Variants in PDE4D observed in about 807,000 individuals in gnomAD.
PDE4D encodes 3',5'-cyclic-AMP phosphodiesterase 4D.
PDE4D carries 24 observed loss-of-function variants against 87.4 expected under a neutral mutation model. That is an observed-to-expected ratio of 0.27 (90% CI 0.20 to 0.39). PDE4D has a LOEUF of 0.39. PDE4D is among the 10% of genes least tolerant of loss of function. The pLI is 1.00. For missense variants in PDE4D, 714 were observed against 1,041.0 expected, an observed-to-expected ratio of 0.69 and a Z score of 4.32; for synonymous variants, 384 against 383.2, an observed-to-expected ratio of 1.00 and a Z score of -0.02.
intron 1 of PDE4D, among the ~76,000 whole-genome samples, chr5:60,346,801 T>C (rs1758784205): frequency 6.6e-6 from 1 of 152,174 alleles, no homozygotes; most frequent in Admixed American, 6.6e-5. Flanking sequence ...AAAGCATTGT[T>C]TTTCAATGCT....
At chr5:59,301,543 A>G (rs1770252362) in intron 1 of PDE4D, among the ~76,000 whole-genome samples, 1 of 152,132 alleles carries the variant, frequency 6.6e-6, no homozygotes, top group Non-Finnish European at 1.5e-5. Context: ...CTGTAAATCT[A>G]AATCTGTTTG....
intron 8 of PDE4D, among the ~76,000 whole-genome samples, chr5:58,991,173 T>C (rs868423118): frequency 2.0e-5 from 3 of 152,038 alleles, no homozygotes; most frequent in Non-Finnish European, 4.4e-5. Context: ...TCCCAGCTAC[T>C]TGGGAGGCTG....
intron 2 of PDE4D, among the ~76,000 whole-genome samples, chr5:60,075,667 T>C (rs1036884408): frequency 6.6e-6 from 1 of 152,212 alleles, no homozygotes; most frequent in African/African-American, 2.4e-5. Flanking sequence ...TTTGGTCTCT[T>C]TACATAATAT....
chr5:60,335,546 A>T (rs1757682390), intron 1 of PDE4D, among the ~76,000 whole-genome samples: 1 of 152,160 alleles, frequency 6.6e-6, no homozygotes, highest in Admixed American at 6.6e-5. Flanking sequence ...TCACAATTGT[A>T]AGCCCTTTTT....
chr5:59,212,698 G>C (rs188542944), intron 2 of PDE4D, among the ~76,000 whole-genome samples: 4 of 152,032 alleles, frequency 2.6e-5, no homozygotes, highest in Admixed American at 2.0e-4. Flanking sequence ...AATTTAAAAA[G>C]GTAGAACACA....
chr5:60,051,797 G>T (rs192825241), intron 2 of PDE4D, among the ~76,000 whole-genome samples: 7 of 151,426 alleles, frequency 4.6e-5, no homozygotes, highest in Non-Finnish European at 7.4e-5. Context: ...CCACTAGCCA[G>T]ACTAATAAAG....
At chr5:60,210,561 TA>T (rs1743077429) in intron 1 of PDE4D, among the ~76,000 whole-genome samples, 1 of 151,992 alleles carries the variant, frequency 6.6e-6, no homozygotes. Flanking sequence ...CAAAAGATAG[TA>T]AAGGCTTTCC....
At chr5:59,114,787 C>G (rs1251103807) in intron 5 of PDE4D, among the ~76,000 whole-genome samples, 1 of 151,194 alleles carries the variant, frequency 6.6e-6, no homozygotes, top group Non-Finnish European at 1.5e-5. Context: ...AAAATATCTA[C>G]TTGGTTTGGC....
At chr5:59,014,703 G>T (rs1753609104) in intron 6 of PDE4D, among the ~76,000 whole-genome samples, 1 of 152,102 alleles carries the variant, frequency 6.6e-6, no homozygotes, top group Admixed American at 6.5e-5. Context: ...ACTGCCCAAG[G>T]TAATTTATAG....
intron 1 of PDE4D, among the ~76,000 whole-genome samples, chr5:59,861,035 T>TA (rs1001533396): frequency 2.7e-5 from 4 of 150,858 alleles, no homozygotes; most frequent in African/African-American, 7.3e-5. Flanking sequence ...AATTTTTTTT[T>TA]TTTTTTTGTA....
intron 1 of PDE4D, among the ~76,000 whole-genome samples, chr5:59,546,598 A>G (rs1817304895): frequency 6.6e-6 from 1 of 152,156 alleles, no homozygotes; most frequent in South Asian, 2.1e-4. Context: ...TAACTGGGCA[A>G]TGAAAGAAAA....
At chr5:59,006,430 G>A (rs1458757010) in intron 6 of PDE4D, among the ~76,000 whole-genome samples, 1 of 151,986 alleles carries the variant, frequency 6.6e-6, no homozygotes, top group Non-Finnish European at 1.5e-5. Context: ...GCCAGGTGTG[G>A]TGGCATGTGC....
chr5:59,054,588 A>G (rs1245858934), intron 5 of PDE4D, among the ~76,000 whole-genome samples: 1 of 151,928 alleles, frequency 6.6e-6, no homozygotes, highest in African/African-American at 2.4e-5. Context: ...AAATTAAACC[A>G]ATAAAAAGAA....
chr5:60,314,737 T>G (rs1755390440), intron 1 of PDE4D, among the ~76,000 whole-genome samples: 1 of 151,344 alleles, frequency 6.6e-6, no homozygotes, highest in Non-Finnish European at 1.5e-5. Context: ...ACATGCGGTG[T>G]TTGGGTTTTT....
At chr5:59,401,558 C>A (rs1056160585) in intron 1 of PDE4D, among the ~76,000 whole-genome samples, 1 of 151,842 alleles carries the variant, frequency 6.6e-6, no homozygotes, top group Admixed American at 6.6e-5. Flanking sequence ...GGGTGGCGTG[C>A]AATTGAGAGA....
At chr5:59,251,275 T>C (rs1357121363) in intron 1 of PDE4D, among the ~76,000 whole-genome samples, 10 of 152,118 alleles carry the variant, frequency 6.6e-5, no homozygotes, top group African/African-American at 2.4e-5. Flanking sequence ...TTGCAAACTA[T>C]ATATCTGGCA....
intron 1 of PDE4D, among the ~76,000 whole-genome samples, chr5:59,418,964 A>T (rs756435911): frequency 6.6e-6 from 1 of 152,066 alleles, no homozygotes; most frequent in Non-Finnish European, 1.5e-5. Context: ...ACATTTAACT[A>T]ACTTTATGGT....
At chr5:60,430,540 TTTTTGTTTG>T (rs1413408207) in intron 1 of PDE4D, among the ~76,000 whole-genome samples, 29 of 119,016 alleles carry the variant, frequency 2.4e-4, no homozygotes, top group African/African-American at 1.1e-3. Context: ...GTTTTGTTTT[TTTTTGTTTG>T]TTTTTTTTTT....
At chr5:59,021,840 A>C (rs933834661) in intron 6 of PDE4D, among the ~76,000 whole-genome samples, 1 of 152,096 alleles carries the variant, frequency 6.6e-6, no homozygotes, top group African/African-American at 2.4e-5. Context: ...ATAACCTATG[A>C]TATATTAGAA....
Sources: allele counts gnomAD v4.1 joint callset (sites outside exome capture counted in the v4.1 genomes callset), GRCh38; gene constraint gnomAD v4.1.1; transcripts MANE v1.5; gene names NCBI Gene and HGNC (gene_info 2026-07-23, HGNC 2026-07-21).